Variants in FCHO2 observed in about 807,000 individuals in gnomAD.
FCHO2 encodes F-BAR domain only protein 2.
In FCHO2, 43 loss-of-function variants were observed where a neutral mutation model predicts 114.1. The observed-to-expected ratio is 0.38, with a 90% confidence interval of 0.30 to 0.49. The LOEUF is 0.49. Ranked by LOEUF, FCHO2 falls within the 20% of genes least tolerant of loss-of-function variation. The pLI is 0.97. For synonymous variants in FCHO2, 293 were observed against 315.2 expected (o/e 0.93, Z 0.75); for missense variants, 807 against 950.4 (o/e 0.85, Z 1.98).
chr5:73,011,970 A>T (rs1379700405), intron 6 of FCHO2, among the ~76,000 whole-genome samples: 1 of 152,080 alleles, frequency 6.6e-6, no homozygotes, highest in Non-Finnish European at 1.5e-5. Flanking sequence ...CTCCTGAAGG[A>T]CCTGCTGGAG....
At chr5:73,011,005 G>T (rs1039725692) in intron 6 of FCHO2, among the ~76,000 whole-genome samples, 12 of 151,644 alleles carry the variant, frequency 7.9e-5, no homozygotes, top group African/African-American at 2.9e-4. Flanking sequence ...TGTACAGCCT[G>T]TTACTGTACT....
intron 2 of FCHO2, among the ~76,000 whole-genome samples, chr5:72,979,142 G>A (rs978748782): frequency 6.6e-6 from 1 of 152,082 alleles, no homozygotes; most frequent in African/African-American, 2.4e-5. Context: ...AGTTAGGGAG[G>A]AGTCCCTCTT....
At chr5:73,056,936 G>A (rs1757624024) in intron 16 of FCHO2, among the ~76,000 whole-genome samples, 1 of 151,938 alleles carries the variant, frequency 6.6e-6, no homozygotes, top group African/African-American at 2.4e-5. Flanking sequence ...TATCAGTTAA[G>A]AATACTCTCT....
At chr5:73,049,857 T>A (rs1757258894) in intron 11 of FCHO2, among the ~76,000 whole-genome samples, 1 of 152,306 alleles carries the variant, frequency 6.6e-6, no homozygotes, top group East Asian at 1.9e-4. Context: ...TCTGTGTGTA[T>A]ACACACATAT....
At chr5:73,032,678 T>C (rs1053906125) in intron 8 of FCHO2, among the ~76,000 whole-genome samples, 2 of 152,160 alleles carry the variant, frequency 1.3e-5, no homozygotes, top group African/African-American at 4.8e-5. Flanking sequence ...CAATTTGGCA[T>C]TGGTGTTTTG....
intron 15 of FCHO2, 150 bp downstream of exon 15, chr5:73,054,699 A>C: frequency 1.7e-6 from 1 of 572,380 alleles, no homozygotes; most frequent in South Asian, 2.6e-5. Flanking sequence ...TTAAATAGAA[A>C]ACAGCGTATC....
chr5:72,968,460 T>C, intron 1 of FCHO2, 38 bp from the exon 2 acceptor site: 1 of 1,371,052 alleles, frequency 7.3e-7, no homozygotes, highest in Non-Finnish European at 9.8e-7. Context: ...CATTTTTATC[T>C]GTTTTTTTAT....
chr5:73,029,383 G>A (rs1270420446), intron 8 of FCHO2, among the ~76,000 whole-genome samples: 3 of 152,156 alleles, frequency 2.0e-5, no homozygotes, highest in African/African-American at 7.2e-5. Context: ...TATGTAAGAG[G>A]AGATTATATT....
At chr5:73,082,273 T>TC (rs1743121648) in intron 23 of FCHO2, among the ~76,000 whole-genome samples, 1 of 151,678 alleles carries the variant, frequency 6.6e-6, no homozygotes, top group Non-Finnish European at 1.5e-5. Context: ...TTTTTTTTTT[T>TC]TTCATTTAAA....
intron 11 of FCHO2, among the ~76,000 whole-genome samples, chr5:73,042,504 AT>A (rs1756851649): frequency 6.6e-6 from 1 of 152,188 alleles, no homozygotes; most frequent in South Asian, 2.1e-4. Flanking sequence ...CTATTTTATA[AT>A]GATCAATATT....
At chr5:73,039,019 A>G (rs1345570334) in intron 10 of FCHO2, among the ~76,000 whole-genome samples, 1 of 152,210 alleles carries the variant, frequency 6.6e-6, no homozygotes, top group Non-Finnish European at 1.5e-5. Flanking sequence ...AGTTTTCCTT[A>G]TCAATAATTT....
intron 1 of FCHO2, among the ~76,000 whole-genome samples, chr5:72,960,608 G>A (rs980067426): frequency 1.3e-5 from 2 of 152,074 alleles, no homozygotes; most frequent in Non-Finnish European, 2.9e-5. Context: ...TGTCTAAGCC[G>A]CTGCTTTCTC....
chr5:72,965,020 T>A (rs1473657622), intron 1 of FCHO2, among the ~76,000 whole-genome samples: 3 of 149,108 alleles, frequency 2.0e-5, no homozygotes, highest in Non-Finnish European at 3.0e-5. Flanking sequence ...AAAAAAACAG[T>A]GTATAAAGGG....
chr5:72,966,955 T>G (rs559964421), intron 1 of FCHO2, among the ~76,000 whole-genome samples: 1 of 152,274 alleles, frequency 6.6e-6, no homozygotes, highest in South Asian at 2.1e-4. Flanking sequence ...ACAGTAGAGG[T>G]TTTCCAGGAT....
At chr5:73,047,613 G>A (rs1194497213) in intron 11 of FCHO2, among the ~76,000 whole-genome samples, 5 of 147,634 alleles carry the variant, frequency 3.4e-5, no homozygotes, top group Admixed American at 1.4e-4. Context: ...CAGTGTCCTT[G>A]CAGGATTGGT....
chr5:73,048,403 C>T (rs1757168775), intron 11 of FCHO2, among the ~76,000 whole-genome samples: 1 of 151,970 alleles, frequency 6.6e-6, no homozygotes. Context: ...TGAGATTGGG[C>T]CACTGCACTC....
intron 2 of FCHO2, among the ~76,000 whole-genome samples, chr5:72,979,095 G>A (rs1753038355): frequency 6.6e-6 from 1 of 152,114 alleles, no homozygotes; most frequent in South Asian, 2.1e-4. Flanking sequence ...GTCTTTGCCA[G>A]GTTTTGATAT....
At chr5:73,021,266 G>C (rs1404846088) in intron 8 of FCHO2, 1 of 568,004 alleles carries the variant, frequency 1.8e-6, no homozygotes, top group African/African-American at 1.9e-5. Flanking sequence ...TAACATGGAG[G>C]GCTGAGAACC....
intron 17 of FCHO2, among the ~76,000 whole-genome samples, chr5:73,058,939 G>A (rs11738261): frequency 0.3 from 45,264 of 151,902 alleles, 6,964 homozygotes; most frequent in East Asian, 0.44. Context: ...TATGCTTGTA[G>A]TAATTTATCA....
Sources: gnomAD v4.1 joint callset for allele counts (sites outside exome capture counted in the v4.1 genomes callset) on GRCh38, gnomAD v4.1.1 for gene constraint, MANE v1.5 for transcripts, NCBI Gene and HGNC (gene_info 2026-07-23, HGNC 2026-07-21) for gene names.